KLC3: variants seen among roughly 807,000 people sequenced by gnomAD.
The protein encoded by KLC3 is kinesin light chain 2.
A neutral mutation model predicts 62.9 loss-of-function variants in KLC3; 72 were observed. The ratio of observed to expected loss-of-function variants is 1.15; its 90% confidence interval spans 0.95 to 1.39. The LOEUF is 1.39. Ranked by LOEUF, KLC3 falls within the 40% of genes most tolerant of loss-of-function variation. The probability of loss-of-function intolerance (pLI) is 0.00; values close to 1 mark genes in which losing one functional copy is unlikely to be tolerated. For missense variants in KLC3, 848 were observed against 691.6 expected, an observed-to-expected ratio of 1.23 and a Z score of -2.54; for synonymous variants, 377 against 300.5, an observed-to-expected ratio of 1.25 and a Z score of -2.63.
rs374098911 is a variant in KLC3 at position 45,350,724 on chromosome 19, C to T, written c.1356C>T (p.Gly452=). Residue 452 remains glycine (G), a synonymous_variant, in exon 11 of 13, where the codon GGC becomes GGT. Coordinates refer to ENST00000391946, the MANE Select transcript of KLC3 (RefSeq NM_177417.3). ...AGAAGCTGGTCTCCCGGCTCCGAGG[C>T]GAGGCGGCGGCAGGAGCAGCCGGGT... ...GSEKLVSRLR[G]EAAAGAAGMK... is the part of the protein sequence containing the mutation. The T allele has an allele frequency of 1.1e-4, 170 of 1,612,866 alleles. No individual in the cohort carries two copies. Among genetic ancestry groups the T allele is most frequent in the South Asian group, 4.8e-4 (44 of 90,926 alleles).
chr19:45,347,428 C>A lies in KLC3; in HGVS notation c.490-19C>A, dbSNP rs763427371. On this transcript the variant is annotated intron_variant, in intron 3 of 12. Transcript: ENST00000391946. ...ACAAGCCCCCACCACCCCGGCCCCC[C>A]ACTTTCCTGTCTCTGCAGCAGTCTG... 9 of 1,605,536 alleles carry A rather than the reference C, an allele frequency of 5.6e-6. No homozygotes were observed. Among genetic ancestry groups the A allele is most frequent in the East Asian group, 2.2e-5 (1 of 44,724 alleles).
At chr19:45,343,160 C>T (rs1384980530) in intron 1 of KLC3, among the ~76,000 whole-genome samples, 2 of 151,982 alleles carry the variant, frequency 1.3e-5, no homozygotes, top group Non-Finnish European at 2.9e-5. Flanking sequence ...GTGTGTGCAT[C>T]TGGAGGTGCG....
rs1971775006 is a variant in KLC3 at position 45,351,486 on chromosome 19, C to T, written c.*129C>T. On this transcript the variant is annotated 3_prime_UTR_variant, in exon 13 of 13. Transcript: ENST00000391946. ...TGGGTACCTGGTGGATAGCTGCCTT[C>T]TCCTGCGATTAAAGGCTGTGGACGT... 1.3e-6 allele frequency: 2 copies of T among 1,589,384 alleles called. No homozygotes were observed. The highest frequency in any genetic ancestry group is 1.7e-6 in the Non-Finnish European group (2 of 1,172,190).
Position 45,346,528 on chromosome 19 carries a change from C to T in KLC3, c.259-16C>T, listed in dbSNP as rs1211094963. 4 of 1,513,474 alleles carry T rather than the reference C, an allele frequency of 2.6e-6. No individual in the cohort carries two copies. The highest frequency in any genetic ancestry group is 2.7e-6 in the Non-Finnish European group (3 of 1,128,818). 93.8% of individuals were successfully genotyped at this position (1,513,474 alleles called of 1,614,324 possible). A position where few individuals can be genotyped will look rare whatever the true frequency, so the allele number is the denominator to read the frequency against. The stretch of plus-strand genomic sequence containing the variant: ...GGCAGGAACCAACCTCGACTTGGGA[C>T]CCCCACCCCGGGCAGGTGCTGCTGG... On this transcript the variant is annotated splice_polypyrimidine_tract_variant and intron_variant, in intron 2 of 12. Transcript: ENST00000391946.
intron 2 of KLC3, 50 bp from the exon 3 acceptor site, chr19:45,346,493 CG>C (rs1568522192): frequency 1.4e-6 from 2 of 1,448,134 alleles, no homozygotes; most frequent in African/African-American, 2.8e-5. Flanking sequence ...GGTCAGGGGC[CG>C]TCTGGCAGGG....
At chr19:45,341,109 CG>C (rs1971383886) in intron 1 of KLC3, among the ~76,000 whole-genome samples, 1 of 151,720 alleles carries the variant, frequency 6.6e-6, no homozygotes, top group Non-Finnish European at 1.5e-5. Flanking sequence ...GCCTGGTGCG[CG>C]GGGCTGGGCA....
chr19:45,342,780 T>A (rs569288124), intron 1 of KLC3, among the ~76,000 whole-genome samples: 2 of 152,044 alleles, frequency 1.3e-5, no homozygotes, highest in South Asian at 2.1e-4. Context: ...AAAATAAAAT[T>A]AAATTTTTTA....
rs1191262377 is a variant in KLC3 at position 45,346,578 on chromosome 19, T to C, written c.293T>C (p.Leu98Pro). The stretch of plus-strand genomic sequence containing the variant: ...GCCCTGTCGGCACATGTGGGTGCAC[T>C]GGAGGCAGAGAAGCAGCGGCTGCGC... Reference protein sequence around the residue: ...LLALSAHVGALEAEKQRLRSQ... With the variant: ...LLALSAHVGAPEAEKQRLRSQ... Residue 98 changes from leucine (L) to proline (P), a missense_variant, in exon 3 of 13, where the codon CTG becomes CCG. Leu to Pro is a moderately conservative substitution (Grantham distance 98). Transcript: ENST00000391946. 6 of 1,547,682 alleles carry C rather than the reference T, an allele frequency of 3.9e-6. No individual in the cohort carries two copies. Among genetic ancestry groups the C allele is most frequent in the South Asian group, 3.6e-5 (3 of 83,872 alleles).
chr19:45,347,445 A>G lies in KLC3; in HGVS notation c.490-2A>G, dbSNP rs756244360. 1 of 1,610,110 alleles carries G rather than the reference A, an allele frequency of 6.2e-7. No individual in the cohort carries two copies. Among genetic ancestry groups the G allele is most frequent in the Non-Finnish European group, 8.5e-7 (1 of 1,178,424 alleles). On this transcript the variant is annotated splice_acceptor_variant, in intron 3 of 12. Coordinates refer to ENST00000391946, the MANE Select transcript of KLC3 (RefSeq NM_177417.3). LOFTEE classifies it high-confidence loss of function. The stretch of plus-strand genomic sequence containing the variant: ...CGGCCCCCCACTTTCCTGTCTCTGC[A>G]GCAGTCTGAGTCCCCGCCTCGCCGA...
intron 1 of KLC3, among the ~76,000 whole-genome samples, chr19:45,342,535 G>A (rs1003139200): frequency 6.6e-6 from 1 of 152,162 alleles, no homozygotes; most frequent in African/African-American, 2.4e-5. Context: ...CAAGGGGGGA[G>A]CGGGTGGATC....
intron 4 of KLC3, 51 bp downstream of exon 4, chr19:45,347,567 G>C: frequency 6.5e-7 from 1 of 1,533,230 alleles, no homozygotes; most frequent in Non-Finnish European, 8.9e-7. Flanking sequence ...GGGTGGGGAG[G>C]GGGCTCTGAG....
At position 45,350,978 on chromosome 19, in the gene KLC3, C is replaced by T. The variant is rs781371770; in HGVS notation, c.1404C>T (p.Asn468=). 1 of 1,614,156 alleles carries T rather than the reference C, an allele frequency of 6.2e-7. No homozygotes were observed. Residue 468 remains asparagine, a synonymous_variant, in exon 12 of 13, where the codon AAC becomes AAT. Coordinates refer to ENST00000391946, the MANE Select transcript of KLC3 (RefSeq NM_177417.3). ...AAGMKRAMSL[N]TLNVDAPRAP... The stretch of plus-strand genomic sequence containing the variant: ...GAATGAAGAGAGCCATGTCACTCAA[C>T]ACACTGAACGTGGATGCTCCAAGGG...
At position 45,348,109 on chromosome 19, in the gene KLC3, A is replaced by G; in HGVS notation, c.728A>G (p.His243Arg). 1 of 1,602,158 alleles carries G rather than the reference A, an allele frequency of 6.2e-7. No homozygotes were observed. Among genetic ancestry groups the G allele is most frequent in the African/African-American group, 1.3e-5 (1 of 74,806 alleles). Residue 243 changes from histidine (H) to arginine (R), a missense_variant, in exon 5 of 13, where the codon CAC becomes CGC. Transcript: ENST00000391946. ...ALEDLERSSG[H>R]CHPDVATMLN... ...GAGGACCTGGAGCGCAGCTCGGGCC[A>G]CTGCCACCCTGACGTGGCCACCATG... is the stretch of plus-strand genomic sequence containing the variant.
At chr19:45,342,154 G>A (rs962460027) in intron 1 of KLC3, among the ~76,000 whole-genome samples, 17 of 152,060 alleles carry the variant, frequency 1.1e-4, no homozygotes, top group African/African-American at 4.1e-4. Context: ...GGTTATAGAG[G>A]GAGGTTTTAC....
chr19:45,341,310 G>C (rs1971389666), intron 1 of KLC3, among the ~76,000 whole-genome samples: 1 of 152,054 alleles, frequency 6.6e-6, no homozygotes, highest in African/African-American at 2.4e-5. Flanking sequence ...TGTATGATGT[G>C]ACACTTTTAG....
At position 45,351,291 on chromosome 19, in the gene KLC3, C is replaced by G. The variant is rs779140648; in HGVS notation, c.1449C>G (p.Pro483=). The change falls in exon 13 of 13, where the codon CCC becomes CCG. Residue 483 remains proline (P), a synonymous_variant. Transcript: ENST00000391946. ...TCCCCTGTGCCTGTCTCCAGTTTCC[C>G]AGCTGGCACCTGGACAAGGCCCCTC... The part of the protein sequence containing the change: ...DAPRAPGTQF[P]SWHLDKAPRT... The G allele has an allele frequency of 6.2e-7, 1 of 1,612,674 alleles. No individual in the cohort carries two copies. Among genetic ancestry groups the G allele is most frequent in the East Asian group, 2.2e-5 (1 of 44,876 alleles).
At position 45,343,341 on chromosome 19, in the gene KLC3, T is replaced by C. The variant is rs147965713; in HGVS notation, c.-8-2193T>C. On this transcript the variant is annotated intron_variant, in intron 1 of 12. Transcript: ENST00000391946. Reference sequence around the variant, plus strand: ...TTTCTTTCTTTTTTTTAAATAATATTATCACTTTTTGACACGGAGTTTTGC... The same window carrying C: ...TTTCTTTCTTTTTTTTAAATAATATCATCACTTTTTGACACGGAGTTTTGC... Among the ~76,000 whole-genome samples the C allele has an allele frequency of 3.7e-3, 567 of 152,184 alleles. 3 individuals carry two copies. The highest frequency in any genetic ancestry group is 0.012 in the African/African-American group (497 of 41,526).
At chr19:45,347,360 A>C (rs901518140) in intron 3 of KLC3, 87 bp from the exon 4 acceptor site, 2 of 1,050,094 alleles carry the variant, frequency 1.9e-6, no homozygotes, top group Non-Finnish European at 2.8e-6. Flanking sequence ...AAAAAAACAA[A>C]AAAACAAAAA....
chr19:45,342,246 A>C (rs1971410578), intron 1 of KLC3, among the ~76,000 whole-genome samples: 1 of 151,938 alleles, frequency 6.6e-6, no homozygotes. Context: ...ACCATTTATG[A>C]TGTTTGTGTG....
Sources: gnomAD v4.1 joint callset for allele counts (sites outside exome capture counted in the v4.1 genomes callset) on GRCh38, gnomAD v4.1.1 for gene constraint, MANE v1.5 for transcripts, NCBI Gene and HGNC (gene_info 2026-07-23, HGNC 2026-07-21) for gene names.